Variants in GTF3C2 observed in about 807,000 individuals in gnomAD.
GTF3C2 encodes the protein general transcription factor 3C polypeptide 2.
GTF3C2 carries 17 observed loss-of-function variants against 117.4 expected under a neutral mutation model. That is an observed-to-expected ratio of 0.14 (90% confidence interval 0.10 to 0.22). The LOEUF (loss-of-function observed/expected upper bound fraction) is 0.22. GTF3C2 is among the 10% of genes least tolerant of loss of function. GTF3C2 has a pLI of 1.00. For synonymous variants in GTF3C2, 437 were observed against 427.0 expected (o/e 1.02, Z -0.29); for missense variants, 888 against 1,143.6 (o/e 0.78, Z 3.22).
intron 5 of GTF3C2, 143 bp downstream of exon 5, chr2:27,337,783 T>A: frequency 1.4e-6 from 1 of 717,544 alleles, no homozygotes; most frequent in Middle Eastern, 3.9e-4. Context: ...CTCTTGCCTC[T>A]AGAGCAGTGC....
intron 1 of GTF3C2, among the ~76,000 whole-genome samples, chr2:27,346,320 A>G (rs1407386853): frequency 1.7e-5 from 2 of 120,622 alleles, no homozygotes; most frequent in African/African-American, 5.9e-5. Context: ...CACCGTGCCC[A>G]TTCTGATACC....
rs528398823 is a variant in GTF3C2 at position 27,334,269 on chromosome 2, T to C, written c.1577-270A>G. ...TCTCTTAAATCAGCAACCAATCCTT[T>C]GAATAATGACATTCCCTTATCCTTT... On this transcript the variant is annotated intron_variant, in intron 10 of 18. Coordinates refer to ENST00000264720, the Ensembl canonical transcript of GTF3C2. Among the ~76,000 whole-genome samples the C allele has an allele frequency of 9.9e-5, 15 of 152,230 alleles. No individual in the cohort carries two copies. In the East Asian group the frequency reaches 2.7e-3, roughly 27 times the overall value.
intron 17 of GTF3C2, among the ~76,000 whole-genome samples, chr2:27,327,486 G>A (rs1009420870): frequency 1.3e-5 from 2 of 151,260 alleles, no homozygotes; most frequent in African/African-American, 2.4e-5. Context: ...CGTCACGCCC[G>A]GCAGATTTTT....
intron 8 of GTF3C2, 69 bp downstream of exon 8, chr2:27,336,129 C>T (rs1680467127): frequency 1.4e-6 from 2 of 1,425,484 alleles, no homozygotes; most frequent in Non-Finnish European, 9.9e-7. Context: ...GCCCTTCCCC[C>T]TATCCTGTCC....
At chr2:27,355,238 C>T (rs1348089993) in intron 1 of GTF3C2, among the ~76,000 whole-genome samples, 1 of 152,046 alleles carries the variant, frequency 6.6e-6, no homozygotes, top group Non-Finnish European at 1.5e-5. Context: ...ATATAATTTG[C>T]CTGGCCGGGC....
rs772799423 is a variant in GTF3C2 at position 27,337,354 on chromosome 2, CA to C, written c.1029-13del. ...AGGGAGCGGCCTCACTGGGGGAAGA[CA>C]AAGGGAACAGTCTAAATTTGGAAGT... On this transcript the variant is annotated splice_polypyrimidine_tract_variant and intron_variant, in intron 6 of 18. Coordinates refer to ENST00000264720, the Ensembl canonical transcript of GTF3C2. 6.4e-7 allele frequency: 1 copy of C among 1,573,326 alleles called. No individual in the cohort carries two copies. The highest frequency in any genetic ancestry group is 8.7e-7 in the Non-Finnish European group (1 of 1,143,172).
intron 17 of GTF3C2, 53 bp downstream of exon 17, chr2:27,327,984 T>C: frequency 6.7e-7 from 1 of 1,500,092 alleles, no homozygotes; most frequent in South Asian, 1.2e-5. Context: ...ATACAAAGAC[T>C]AAAGTTTTCT....
chr2:27,328,205 T>C lies in GTF3C2; in HGVS notation c.2257-16A>G. On this transcript the variant is annotated splice_polypyrimidine_tract_variant and intron_variant, in intron 16 of 18. Transcript: ENST00000264720. ...TATATATAGGCTGGAAAGGAGACCA[T>C]GAAATTAGGTTCTATAATACTCAAG... The C allele has an allele frequency of 6.4e-7, 1 of 1,551,140 alleles. No individual in the cohort carries two copies. The highest frequency in any genetic ancestry group is 8.7e-7 in the Non-Finnish European group (1 of 1,147,522).
At chr2:27,341,927 T>C in intron 4 of GTF3C2, 21 bp downstream of exon 4, 1 of 1,604,596 alleles carries the variant, frequency 6.2e-7, no homozygotes. Flanking sequence ...CCCCATTCAC[T>C]TTCTTGTCCA....
At chr2:27,332,888 G>T (rs1247762153) in intron 12 of GTF3C2, among the ~76,000 whole-genome samples, 5 of 151,192 alleles carry the variant, frequency 3.3e-5, no homozygotes, top group Admixed American at 6.6e-5. Flanking sequence ...GCTAATTTTT[G>T]TATTTTTAGT....
At position 27,335,899 on chromosome 2, in the gene GTF3C2, C is replaced by CA; in HGVS notation, c.1467+17dup. On this transcript the variant is annotated intron_variant, in intron 9 of 18. Coordinates refer to ENST00000264720, the Ensembl canonical transcript of GTF3C2. ...GGCTTTGAGTCCTAGGGCCATCCCACAGTTGACTGGGAAGTACCTTCCGAG... is the reference window on the plus strand; with the variant it reads ...GGCTTTGAGTCCTAGGGCCATCCCACAAGTTGACTGGGAAGTACCTTCCGAG... The CA allele has an allele frequency of 6.7e-7, 1 of 1,500,366 alleles. No individual in the cohort carries two copies. Among genetic ancestry groups the CA allele is most frequent in the East Asian group, 2.3e-5 (1 of 44,330 alleles). The allele number at this position is 1,500,366 out of a possible 1,614,324, so 92.9% of individuals were successfully genotyped here.
In GTF3C2 at chr2:27,353,718, G is replaced by A. The variant is rs1463884936; in HGVS notation, c.-25+3021C>T. Among the ~76,000 whole-genome samples the A allele has an allele frequency of 4.6e-5, 7 of 151,924 alleles. No homozygotes were observed. The East Asian group carries it at 1.4e-3, about 30-fold the overall frequency. On this transcript the variant is annotated intron_variant, in intron 1 of 18. Transcript: ENST00000264720. ...CCTCCCAATCAACTTAGTTTTAATA[G>A]AAACAATAACTCTTTCATATTAAAA... is the stretch of plus-strand genomic sequence containing the variant.
chr2:27,335,533 A>G (rs189397908), intron 10 of GTF3C2, 65 bp downstream of exon 10: 90 of 926,636 alleles, frequency 9.7e-5, no homozygotes, highest in Non-Finnish European at 1.2e-5. Context: ...CCAGGGAGAC[A>G]GACAGGCCCT....
At chr2:27,354,350 C>G (rs554760474) in intron 1 of GTF3C2, among the ~76,000 whole-genome samples, 1 of 152,230 alleles carries the variant, frequency 6.6e-6, no homozygotes, top group South Asian at 2.1e-4. Context: ...AGCAGACTGA[C>G]CACGTCTACA....
At position 27,329,824 on chromosome 2, in the gene GTF3C2, A is replaced by G. The variant is rs1235212587; in HGVS notation, c.1733-301T>C. ...TAGAATGCACCTCTCTCTACTCCCT[A>G]TAAATAAACGTCAAGGGACTTTTAA... On this transcript the variant is annotated intron_variant, in intron 12 of 18. Coordinates refer to ENST00000264720, the Ensembl canonical transcript of GTF3C2. This position sits in a 1 kb window ranked among gnomAD's most constrained non-coding sequence, Gnocchi z 4.5. 6.6e-6 allele frequency among the ~76,000 whole-genome samples: 1 copy of G among 152,188 alleles called. No individual in the cohort carries two copies. The highest frequency in any genetic ancestry group is 1.5e-5 in the Non-Finnish European group (1 of 68,036).
At chr2:27,345,542 G>A (rs369317880) in intron 1 of GTF3C2, among the ~76,000 whole-genome samples, 11 of 151,434 alleles carry the variant, frequency 7.3e-5, no homozygotes, top group East Asian at 2.0e-4. Context: ...GCAGCGAGCC[G>A]AGATCATGCC....
intron 12 of GTF3C2, among the ~76,000 whole-genome samples, chr2:27,331,090 C>T (rs1445502848): frequency 4.6e-5 from 7 of 152,106 alleles, no homozygotes; most frequent in Admixed American, 3.9e-4. Flanking sequence ...TGAATTATAG[C>T]CATGCAATAT....
At chr2:27,345,916 T>G (rs1379129504) in intron 1 of GTF3C2, among the ~76,000 whole-genome samples, 2 of 151,696 alleles carry the variant, frequency 1.3e-5, no homozygotes, top group East Asian at 1.9e-4. Context: ...GGTTTCACCA[T>G]GTTGACCAGG....
intron 1 of GTF3C2, chr2:27,350,371 A>C: frequency 2.1e-6 from 2 of 972,758 alleles, no homozygotes; most frequent in Non-Finnish European, 2.4e-6. Flanking sequence ...TCTTCAGGGG[A>C]TTCTGACGCA....
Sources: gnomAD v4.1 joint callset for allele counts (sites outside exome capture counted in the v4.1 genomes callset) on GRCh38, gnomAD v4.1.1 for gene constraint, Gnocchi (gnomAD v3.1) non-coding constraint, MANE v1.5 for transcripts, NCBI Gene and HGNC (gene_info 2026-07-23, HGNC 2026-07-21) for gene names.